The following PGPEP1L variants were observed in gnomAD, a reference collection of about 807,000 sequenced individuals.
The protein encoded by PGPEP1L is pyroglutamyl-peptidase I like, also known as pyroglutamyl-peptidase 1-like protein.
In PGPEP1L, 7 loss-of-function variants were observed where a neutral mutation model predicts 6.0. The ratio of observed to expected loss-of-function variants is 1.17; its 90% CI spans 0.66 to 2.19. The LOEUF (loss-of-function observed/expected upper bound fraction) is 2.19, where lower values mean the gene tolerates loss of function less well. PGPEP1L is among the 30% of genes most tolerant of loss of function. The pLI is 0.00. For synonymous variants in PGPEP1L, 103 were observed against 83.9 expected (o/e 1.23, Z -1.24); for missense variants, 209 against 192.5 (o/e 1.09, Z -0.51).
At chr15:98,993,724 A>ATGATGGGT (rs1477121231) in intron 2 of PGPEP1L, among the ~76,000 whole-genome samples, 1 of 152,126 alleles carries the variant, frequency 6.6e-6, no homozygotes, top group African/African-American at 2.4e-5. Flanking sequence ...CCTAATATAG[A>ATGATGGGT]TGATGGGTTG....
intron 2 of PGPEP1L, among the ~76,000 whole-genome samples, chr15:98,979,712 A>G (rs142632369): frequency 3.0e-4 from 38 of 126,254 alleles, no homozygotes; most frequent in African/African-American, 1.2e-3. Context: ...GTGCCATGGC[A>G]CAATCTTGGC....
chr15:98,985,716 C>T (rs901216849), intron 2 of PGPEP1L, among the ~76,000 whole-genome samples: 1 of 152,188 alleles, frequency 6.6e-6, no homozygotes, highest in Non-Finnish European at 1.5e-5. Flanking sequence ...TGGTATGTGC[C>T]CTCAGGCCAG....
intron 2 of PGPEP1L, among the ~76,000 whole-genome samples, chr15:99,000,242 GC>G (rs2017944001): frequency 6.6e-6 from 1 of 152,242 alleles, no homozygotes; most frequent in African/African-American, 2.4e-5. Context: ...CTGCCTTCCT[GC>G]CGGGCAGGGC....
chr15:98,979,757 C>T (rs1236931557), intron 2 of PGPEP1L, among the ~76,000 whole-genome samples: 1 of 148,866 alleles, frequency 6.7e-6, no homozygotes, highest in African/African-American at 2.5e-5. Context: ...TCAAGCGATT[C>T]TTCTGCCTCA....
intron 1 of PGPEP1L, among the ~76,000 whole-genome samples, chr15:99,006,392 G>A (rs534708139): frequency 6.6e-6 from 1 of 152,370 alleles, no homozygotes; most frequent in South Asian, 2.1e-4. Context: ...AGCCACAGCC[G>A]TGGCATGCCA....
chr15:98,985,311 G>T (rs2017732199), intron 2 of PGPEP1L, among the ~76,000 whole-genome samples: 1 of 152,142 alleles, frequency 6.6e-6, no homozygotes, highest in Admixed American at 6.5e-5. Context: ...GGCCAAGGCG[G>T]GAGGATCACC....
intron 4 of PGPEP1L, 69 bp from the exon 5 acceptor site, chr15:98,968,766 G>A (rs866697137): frequency 1.1e-5 from 15 of 1,422,456 alleles, no homozygotes; most frequent in Non-Finnish European, 1.4e-5. Context: ...ATACGCAGAA[G>A]TGGCAATGCA....
At chr15:99,005,853 A>C (rs1264005210) in intron 1 of PGPEP1L, among the ~76,000 whole-genome samples, 197 bp from the exon 2 acceptor site, 1 of 152,174 alleles carries the variant, frequency 6.6e-6, no homozygotes, top group Non-Finnish European at 1.5e-5. Flanking sequence ...CTGGGACGGA[A>C]CACCACATGG....
chr15:98,987,165 CAAAA>C (rs57923635), intron 2 of PGPEP1L, among the ~76,000 whole-genome samples: 134 of 33,376 alleles, frequency 4.0e-3, no homozygotes, highest in African/African-American at 0.013. Flanking sequence ...GACTCCATCT[CAAAA>C]AAAAAAAAAA....
intron 2 of PGPEP1L, among the ~76,000 whole-genome samples, chr15:98,982,700 C>CTTTTTGTTTTTTTTTTTT (rs2017682910): frequency 1.9e-5 from 1 of 52,458 alleles, no homozygotes; most frequent in Non-Finnish European, 4.2e-5. Context: ...TTATCTGAGG[C>CTTTTTGTTTTTTTTTTTT]TTTTTTTTTT....
At chr15:98,993,071 A>G (rs1003246389) in intron 2 of PGPEP1L, among the ~76,000 whole-genome samples, 1 of 152,254 alleles carries the variant, frequency 6.6e-6, no homozygotes, top group Non-Finnish European at 1.5e-5. Flanking sequence ...CTAAAACACC[A>G]AAAGCAATGG....
chr15:98,989,570 C>T (rs2017792187), intron 2 of PGPEP1L, among the ~76,000 whole-genome samples: 1 of 152,172 alleles, frequency 6.6e-6, no homozygotes. Flanking sequence ...GGGTATTATC[C>T]AGCAGAACTT....
chr15:98,982,343 C>G (rs957911494), intron 2 of PGPEP1L, among the ~76,000 whole-genome samples: 22 of 143,926 alleles, frequency 1.5e-4, no homozygotes, highest in African/African-American at 6.4e-4. Flanking sequence ...TCCCCATATT[C>G]TTGTGGATTC....
chr15:99,006,165 G>A (rs149838517), intron 1 of PGPEP1L, among the ~76,000 whole-genome samples: 1 of 152,342 alleles, frequency 6.6e-6, no homozygotes, highest in East Asian at 1.9e-4. Context: ...CAGGTTTCCT[G>A]TTTTGAGAAA....
intron 2 of PGPEP1L, among the ~76,000 whole-genome samples, chr15:99,000,004 G>A (rs2017938001): frequency 6.6e-6 from 1 of 152,358 alleles, no homozygotes; most frequent in Middle Eastern, 3.4e-3. Context: ...TTCTGGGCAG[G>A]CCAAGGCCAG....
chr15:98,997,371 G>A (rs1596526418), intron 2 of PGPEP1L, among the ~76,000 whole-genome samples: 1 of 152,340 alleles, frequency 6.6e-6, no homozygotes, highest in East Asian at 1.9e-4. Flanking sequence ...GGGTTTTGCT[G>A]CATTTTCAGC....
At chr15:98,989,873 G>C (rs1272196140) in intron 2 of PGPEP1L, among the ~76,000 whole-genome samples, 1 of 152,046 alleles carries the variant, frequency 6.6e-6, no homozygotes, top group Non-Finnish European at 1.5e-5. Flanking sequence ...TTCATATCCA[G>C]CCAAACTAAG....
chr15:98,995,985 C>A (rs1420082829), intron 2 of PGPEP1L, among the ~76,000 whole-genome samples: 1 of 152,154 alleles, frequency 6.6e-6, no homozygotes, highest in Non-Finnish European at 1.5e-5. Context: ...CCTTTTAAAT[C>A]ATCTGTTAAA....
chr15:99,000,739 C>CAAAATGGACCAATCAGTTCTCTGT (rs1291989360), intron 2 of PGPEP1L, among the ~76,000 whole-genome samples: 3 of 152,006 alleles, frequency 2.0e-5, no homozygotes, highest in African/African-American at 7.2e-5. Flanking sequence ...AGCACCCTGT[C>CAAAATGGACCAATCAGTTCTCTGT]AAAATGGACC....
Sources: gnomAD v4.1 joint callset for allele counts (sites outside exome capture counted in the v4.1 genomes callset) on GRCh38, gnomAD v4.1.1 for gene constraint, MANE v1.5 for transcripts, NCBI Gene and HGNC (gene_info 2026-07-23, HGNC 2026-07-21) for gene names.